Variants in VWA1 observed in about 807,000 individuals in gnomAD.
VWA1 encodes von Willebrand factor A domain containing 1, also known as von Willebrand factor A domain-containing protein 1.
A neutral mutation model predicts 14.9 loss-of-function variants in VWA1; 12 were observed. The observed-to-expected ratio is 0.80, with a 90% CI of 0.52 to 1.30. VWA1 has a LOEUF of 1.30. Ranked by LOEUF, VWA1 falls within the 50% of genes most tolerant of loss-of-function variation. VWA1 has a pLI of 0.00. For synonymous variants in VWA1, 368 were observed against 310.7 expected, an observed-to-expected ratio of 1.18 and a Z score of -1.94; for missense variants, 800 against 649.1, an observed-to-expected ratio of 1.23 and a Z score of -2.53.
chr1:1,436,207 G>A (rs977937374), intron 1 of VWA1, among the ~76,000 whole-genome samples: 1 of 152,240 alleles, frequency 6.6e-6, no homozygotes, highest in Non-Finnish European at 1.5e-5. Flanking sequence ...CGCAAGGCCG[G>A]GACTAGAATT....
At position 1,437,290 on chromosome 1, in the gene VWA1, G is replaced by A; in HGVS notation, c.437G>A (p.Gly146Asp). 6.2e-7 allele frequency: 1 copy of A among 1,610,236 alleles called. No homozygotes were observed. The highest frequency in any genetic ancestry group is 1.1e-5 in the South Asian group (1 of 90,618). Residue 146 changes from glycine (G) to aspartate (D), a missense_variant, in exon 2 of 3, where the codon GGC (glycine) becomes GAC (aspartate). By Grantham distance (94) the Gly-to-Asp change is moderately conservative. Coordinates refer to ENST00000476993, the MANE Select transcript of VWA1 (RefSeq NM_022834.5). ...PKVLVWVTDG[G>D]SSDPVGPPMQ... ...GTGCTGGTGTGGGTGACAGATGGCG[G>A]CTCCAGCGACCCTGTGGGCCCCCCC...
rs747344089 is a variant in VWA1 at position 1,437,445 on chromosome 1, C to T, written c.592C>T (p.Leu198=). Reference sequence around the variant, plus strand: ...CCTGCACTTTGTGGACGTGGATGACCTGCACATCATTGTCCAAGAGCTGAG... The same window carrying T: ...CCTGCACTTTGTGGACGTGGATGACTTGCACATCATTGTCCAAGAGCTGAG... ...KHLHFVDVDD[L]HIIVQELRGS... The change falls in exon 2 of 3, where the codon CTG becomes TTG. Residue 198 remains leucine (L), a synonymous_variant. Transcript: ENST00000476993. The T allele has an allele frequency of 9.3e-6, 15 of 1,612,022 alleles. No individual in the cohort carries two copies. In the Admixed American group the frequency reaches 2.2e-4, roughly 23 times the overall value.
chr1:1,439,668 T>C lies in VWA1; in HGVS notation c.1219T>C (p.Phe407Leu). ...TAYLVTVTAA[F>L]RSGRESALSA... ...CTACCTGGTGACCGTGACCGCCGCC[T>C]TCCGCTCGGGCCGCGAGAGCGCGCT... Residue 407 changes from phenylalanine to leucine, a missense_variant, in exon 3 of 3, where the codon TTC (phenylalanine) becomes CTC (leucine). Coordinates refer to ENST00000476993, the MANE Select transcript of VWA1 (RefSeq NM_022834.5). 1 of 1,312,838 alleles carries C rather than the reference T, an allele frequency of 7.6e-7. No individual in the cohort carries two copies. Among genetic ancestry groups the C allele is most frequent in the Non-Finnish European group, 9.8e-7 (1 of 1,022,610 alleles). 81.3% of individuals were successfully genotyped at this position (1,312,838 alleles called of 1,614,324 possible). A position where few individuals can be genotyped will look rare whatever the true frequency, so the allele number is the denominator to read the frequency against.
rs750227698 is a variant in VWA1, at chr1:1,437,401, C to T, written c.548C>T (p.Ser183Leu). The part of the protein sequence containing the change: ...GNFLELSAAA[S>L]APAEKHLHFV... Reference sequence around the variant, plus strand: ...TTCCTGGAGCTGTCAGCCGCTGCCTCAGCCCCTGCCGAGAAGCACCTGCAC... The same window carrying T: ...TTCCTGGAGCTGTCAGCCGCTGCCTTAGCCCCTGCCGAGAAGCACCTGCAC... The change falls in exon 2 of 3, where the codon TCA becomes TTA. Residue 183 changes from serine to leucine, a missense_variant. Transcript: ENST00000476993. The T allele has an allele frequency of 3.7e-6, 6 of 1,612,726 alleles. No homozygotes were observed. Among genetic ancestry groups the T allele is most frequent in the South Asian group, 1.1e-5 (1 of 91,088 alleles).
Position 1,437,490 on chromosome 1 carries a change from C to T in VWA1, c.631+6C>T, listed in dbSNP as rs372356136. The T allele has an allele frequency of 2.2e-5, 35 of 1,593,678 alleles. No homozygotes were observed. The East Asian group carries it at 2.2e-4, about 10-fold the overall frequency. ...GCTGAGGGGCTCCATTCTCGGTATGCGGGAGGAGGCAGGGCCCAGGGAGCC... is the reference window on the plus strand; with the variant it reads ...GCTGAGGGGCTCCATTCTCGGTATGTGGGAGGAGGCAGGGCCCAGGGAGCC... On this transcript the variant is annotated splice_donor_region_variant and intron_variant, in intron 2 of 2. Coordinates refer to ENST00000476993, the MANE Select transcript of VWA1 (RefSeq NM_022834.5).
At position 1,436,957 on chromosome 1, in the gene VWA1, TG is replaced by T. The variant is rs1194738260; in HGVS notation, c.105del (p.Met36CysfsTer107). The T allele has an allele frequency of 1.2e-6, 2 of 1,610,986 alleles. No homozygotes were observed. The highest frequency in any genetic ancestry group is 8.5e-7 in the Non-Finnish European group (1 of 1,178,910). On this transcript the variant is annotated frameshift_variant, in exon 2 of 3. Coordinates refer to ENST00000476993, the MANE Select transcript of VWA1 (RefSeq NM_022834.5). LOFTEE classifies it high-confidence loss of function. ...CCAGCATCAGCCCCCCGAGGGGACC[TG>T]ATGTTCCTGCTGGACAGCTCAGCCA... Reference protein sequence around the residue: ...GPPASAPRGDLMFLLDSSASV... With the variant: ...GPPASAPRGDXMFLLDSSASV...
chr1:1,438,934 G>T (rs528529216), intron 2 of VWA1, 147 bp from the exon 3 acceptor site: 1 of 1,309,110 alleles, frequency 7.6e-7, no homozygotes, highest in Non-Finnish European at 1.0e-6. Flanking sequence ...CATCTGCGGG[G>T]CATGGCTCCA....
At chr1:1,437,993 G>A (rs3843249) in intron 2 of VWA1, among the ~76,000 whole-genome samples, 42,009 of 152,166 alleles carry the variant, frequency 0.28, 7,845 homozygotes, top group East Asian at 0.86. Context: ...CTGAGAGGCC[G>A]GACCAGGGAA....
Position 1,439,655 on chromosome 1 carries a change from C to A in VWA1, c.1206C>A (p.Thr402=). 1.5e-6 allele frequency: 2 copies of A among 1,321,228 alleles called. No homozygotes were observed. Among genetic ancestry groups the A allele is most frequent in the South Asian group, 1.5e-5 (1 of 67,516 alleles). 81.8% of individuals were successfully genotyped at this position (1,321,228 alleles called of 1,614,324 possible). ...CGCCGGGCACCGCCTACCTGGTGACCGTGACCGCCGCCTTCCGCTCGGGCC... is the reference window on the plus strand; with the variant it reads ...CGCCGGGCACCGCCTACCTGGTGACAGTGACCGCCGCCTTCCGCTCGGGCC... The part of the protein sequence containing the change: ...GLAPGTAYLV[T]VTAAFRSGRE... Residue 402 remains threonine (T), a synonymous_variant, in exon 3 of 3, where the codon ACC becomes ACA. Coordinates refer to ENST00000476993, the MANE Select transcript of VWA1 (RefSeq NM_022834.5).
chr1:1,439,692 C>A lies in VWA1; in HGVS notation c.1243C>A (p.Leu415Met), dbSNP rs1157041224. Reference protein sequence around the residue: ...AAFRSGRESALSAKACTPDGP... With the variant: ...AAFRSGRESAMSAKACTPDGP... ...CTTCCGCTCGGGCCGCGAGAGCGCG[C>A]TGTCCGCCAAGGCCTGCACGCCCGA... Residue 415 changes from leucine (L) to methionine (M), a missense_variant, in exon 3 of 3, where the codon CTG (leucine) becomes ATG (methionine). Leu to Met is a conservative substitution (Grantham distance 15). Coordinates refer to ENST00000476993, the MANE Select transcript of VWA1 (RefSeq NM_022834.5). 7.8e-7 allele frequency: 1 copy of A among 1,274,676 alleles called. No individual in the cohort carries two copies. Among genetic ancestry groups the A allele is most frequent in the Non-Finnish European group, 1.0e-6 (1 of 1,000,800 alleles). The allele number at this position is 1,274,676 out of a possible 1,614,324, so 79.0% of individuals were successfully genotyped here.
intron 1 of VWA1, 92 bp from the exon 2 acceptor site, chr1:1,436,835 T>C: frequency 7.4e-7 from 1 of 1,349,230 alleles, no homozygotes; most frequent in South Asian, 1.4e-5. Flanking sequence ...AGCATCCACT[T>C]AAGGAAAGCT....
chr1:1,439,369 G>A lies in VWA1; in HGVS notation c.920G>A (p.Gly307Glu), dbSNP rs1638610178. ...LRVRTRPGEA[G>E]PGASGPESGA... ...GTGCGCACGCGGCCCGGTGAGGCAG[G>A]GCCGGGGGCTTCGGGCCCGGAGTCG... The change falls in exon 3 of 3, where the codon GGG becomes GAG. Residue 307 changes from glycine to glutamate, a missense_variant. Physicochemically the swap from Gly to Glu is moderately conservative, Grantham distance 98. Coordinates refer to ENST00000476993, the MANE Select transcript of VWA1 (RefSeq NM_022834.5). The A allele has an allele frequency of 1.3e-6, 2 of 1,517,390 alleles. No individual in the cohort carries two copies. The highest frequency in any genetic ancestry group is 1.2e-5 in the South Asian group (1 of 81,796). 94.0% of individuals were successfully genotyped at this position (1,517,390 alleles called of 1,614,324 possible).
chr1:1,437,256 G>A lies in VWA1; in HGVS notation c.403G>A (p.Val135Met), dbSNP rs527526414. The change falls in exon 2 of 3, where the codon GTG becomes ATG. Residue 135 changes from valine to methionine, a missense_variant. Transcript: ENST00000476993. ...FAEASGARPGVPKVLVWVTDG... is the reference protein window; with the variant it reads ...FAEASGARPGMPKVLVWVTDG... ...TGAAGCATCAGGTGCCCGGCCAGGG[G>A]TGCCCAAAGTGCTGGTGTGGGTGAC... The A allele has an allele frequency of 1.2e-6, 2 of 1,610,264 alleles. No individual in the cohort carries two copies. The highest frequency in any genetic ancestry group is 1.1e-5 in the South Asian group (1 of 90,602).
At position 1,439,290 on chromosome 1, in the gene VWA1, G is replaced by C; in HGVS notation, c.841G>C (p.Val281Leu). 6.2e-7 allele frequency: 1 copy of C among 1,600,184 alleles called. No individual in the cohort carries two copies. Among genetic ancestry groups the C allele is most frequent in the Non-Finnish European group, 8.5e-7 (1 of 1,176,654 alleles). Residue 281 changes from valine to leucine, a missense_variant, in exon 3 of 3, where the codon GTG (valine) becomes CTG (leucine). Val to Leu is a conservative substitution (Grantham distance 32). Coordinates refer to ENST00000476993, the MANE Select transcript of VWA1 (RefSeq NM_022834.5). ...CCTCGACCCGGACACGGACTACGACGTGGCGCTAGTGCCTGAGTCCAACGT... is the reference window on the plus strand; with the variant it reads ...CCTCGACCCGGACACGGACTACGACCTGGCGCTAGTGCCTGAGTCCAACGT... Reference protein sequence around the residue: ...AGLDPDTDYDVALVPESNVRL... With the variant: ...AGLDPDTDYDLALVPESNVRL...
intron 2 of VWA1, among the ~76,000 whole-genome samples, chr1:1,437,957 G>T (rs936420373): frequency 6.6e-6 from 1 of 152,176 alleles, no homozygotes; most frequent in Non-Finnish European, 1.5e-5. Context: ...AACTAGTTCG[G>T]ACTGCAGGCC....
intron 1 of VWA1, among the ~76,000 whole-genome samples, chr1:1,436,442 G>C (rs562147069): frequency 2.0e-4 from 30 of 152,332 alleles, no homozygotes; most frequent in African/African-American, 7.0e-4. Flanking sequence ...CAGGCCATCC[G>C]GCGTGGTCAT....
rs1221765313 is a variant in VWA1, at chr1:1,440,842, C to T, written c.*1055C>T. Reference sequence around the variant, plus strand: ...ACAGGACAGCTTGTGAACGTCTCCGCCTTTTGGGGTGTCCGGGGAGAGGAG... The same window carrying T: ...ACAGGACAGCTTGTGAACGTCTCCGTCTTTTGGGGTGTCCGGGGAGAGGAG... On this transcript the variant is annotated 3_prime_UTR_variant, in exon 3 of 3. Coordinates refer to ENST00000476993, the MANE Select transcript of VWA1 (RefSeq NM_022834.5). 5.2e-5 allele frequency: 8 copies of T among 152,566 alleles called. 1 individual carries two copies. The East Asian group carries it at 1.5e-3, about 29-fold the overall frequency. 9.5% of individuals were successfully genotyped at this position (152,566 alleles called of 1,614,324 possible).
intron 1 of VWA1, 68 bp downstream of exon 1, chr1:1,435,889 A>T (rs1286627203): frequency 1.0e-5 from 10 of 970,514 alleles, no homozygotes; most frequent in Non-Finnish European, 1.1e-5. Flanking sequence ...CTGCCCGCGC[A>T]AGGCCGTCGC....
At chr1:1,436,757 C>G (rs1467029403) in intron 1 of VWA1, 170 bp from the exon 2 acceptor site, 1 of 655,906 alleles carries the variant, frequency 1.5e-6, no homozygotes, top group Non-Finnish European at 2.6e-6. Flanking sequence ...GCAGTGAAAC[C>G]CCCAAAAGTA....
Sources: gnomAD v4.1 joint callset for allele counts (sites outside exome capture counted in the v4.1 genomes callset) on GRCh38, gnomAD v4.1.1 for gene constraint, MANE v1.5 for transcripts, NCBI Gene and HGNC (gene_info 2026-07-23, HGNC 2026-07-21) for gene names.